Variants in RBFOX3 observed in about 807,000 individuals in gnomAD.
RBFOX3 encodes the protein RNA binding fox-1 homolog 3.
In RBFOX3, 17 loss-of-function variants were observed where a neutral mutation model predicts 48.7. The observed-to-expected ratio is 0.35, with a 90% CI of 0.24 to 0.52. The LOEUF is 0.52. Ranked by LOEUF, RBFOX3 falls within the 20% of genes least tolerant of loss-of-function variation. The pLI is 0.94. For synonymous variants in RBFOX3, 212 were observed against 209.5 expected, an observed-to-expected ratio of 1.01 and a Z score of -0.10; for missense variants, 382 against 497.5, an observed-to-expected ratio of 0.77 and a Z score of 2.21.
chr17:79,301,687 G>A (rs1431829786), intron 3 of RBFOX3, among the ~76,000 whole-genome samples: 2 of 152,188 alleles, frequency 1.3e-5, no homozygotes, highest in African/African-American at 4.8e-5. Context: ...TGGCCAAAAG[G>A]GGACAGCAGC....
At chr17:79,638,304 G>GTT in the RBFOX3 span, among the ~76,000 whole-genome samples, 1 of 88,310 alleles carries the variant, frequency 1.1e-5, no homozygotes, top group East Asian at 3.3e-4. Flanking sequence ...AACTGAGTTG[G>GTT]TTTTTTTTTT....
intron 2 of RBFOX3, among the ~76,000 whole-genome samples, chr17:79,371,749 T>C (rs184431984): frequency 2.3e-3 from 348 of 152,170 alleles, no homozygotes; most frequent in African/African-American, 8.2e-3. Flanking sequence ...ATCCTGCAAG[T>C]GGGAGGGACT....
chr17:79,579,959 G>T lies in RBFOX3; in HGVS notation c.-320+30867C>A, dbSNP rs962145990. Among the ~76,000 whole-genome samples the T allele has an allele frequency of 6.5e-3, 976 of 150,310 alleles. 10 individuals carry two copies. Among genetic ancestry groups the T allele is most frequent in the African/African-American group, 0.023 (930 of 40,690 alleles). On this transcript the variant is annotated intron_variant, in intron 1 of 14. Coordinates refer to ENST00000693108, the MANE Select transcript of RBFOX3 (RefSeq NM_001350451.2). ...TGTGGTGGGGGAGTCACAGGGTTGGGGAGTCACTGGGTCGGGGAGTCACTG... is the reference window on the plus strand; with the variant it reads ...TGTGGTGGGGGAGTCACAGGGTTGGTGAGTCACTGGGTCGGGGAGTCACTG...
At chr17:79,547,900 C>T (rs1229568053) in intron 1 of RBFOX3, among the ~76,000 whole-genome samples, 5 of 152,208 alleles carry the variant, frequency 3.3e-5, no homozygotes, top group Admixed American at 3.3e-4. Context: ...GGACCTCCAG[C>T]CCTTCAGTGG....
At chr17:79,616,644 C>T in the RBFOX3 span, among the ~76,000 whole-genome samples, 1 of 151,854 alleles carries the variant, frequency 6.6e-6, no homozygotes, top group African/African-American at 2.4e-5. Context: ...AGGCCTGCTA[C>T]CGCTGTTGTA....
intron 3 of RBFOX3, among the ~76,000 whole-genome samples, chr17:79,250,135 G>A (rs578235729): frequency 6.6e-6 from 1 of 152,114 alleles, no homozygotes; most frequent in African/African-American, 2.4e-5. Context: ...ATTGCCTTTC[G>A]GGATTAATAC....
At chr17:79,155,794 C>G (rs143031595) in intron 4 of RBFOX3, among the ~76,000 whole-genome samples, 4,358 of 152,242 alleles carry the variant, frequency 0.029, 84 homozygotes, top group Non-Finnish European at 0.045. Flanking sequence ...AGGCAGCCCA[C>G]CCCTGCACCC....
At chr17:79,278,595 CG>C (rs2069496538) in intron 3 of RBFOX3, among the ~76,000 whole-genome samples, 3 of 152,244 alleles carry the variant, frequency 2.0e-5, no homozygotes, top group East Asian at 1.9e-4. Flanking sequence ...CCTGTGGTGC[CG>C]GCCGGGCCTG....
intron 4 of RBFOX3, among the ~76,000 whole-genome samples, chr17:79,190,349 T>A (rs2054213812): frequency 7.0e-6 from 1 of 143,446 alleles, no homozygotes; most frequent in Admixed American, 7.4e-5. Flanking sequence ...AGGCGGAGGA[T>A]GCGGTGAGCC....
intron 2 of RBFOX3, among the ~76,000 whole-genome samples, chr17:79,348,534 G>A (rs1778436896): frequency 6.7e-6 from 1 of 148,802 alleles, no homozygotes; most frequent in African/African-American, 2.5e-5. Flanking sequence ...TGGTCTTGCT[G>A]GTTACCATCA....
intron 2 of RBFOX3, among the ~76,000 whole-genome samples, chr17:79,325,259 C>A (rs1003100907): frequency 1.3e-5 from 2 of 152,166 alleles, no homozygotes; most frequent in Non-Finnish European, 2.9e-5. Flanking sequence ...CCTGGAGATT[C>A]CACAGGTGGG....
rs1365595915 is a variant in RBFOX3 at position 79,535,238 on chromosome 17, C to T, written c.-319-52640G>A. On this transcript the variant is annotated intron_variant, in intron 1 of 14. Coordinates refer to ENST00000693108, the MANE Select transcript of RBFOX3 (RefSeq NM_001350451.2). This position sits in a 1 kb window ranked among gnomAD's most constrained non-coding sequence, Gnocchi z 4.5. ...GAAGCAGCAGCTCCACGGCAACATC[C>T]CAAGGCCCCTCTCCAAGGGCTGTTC... Among the ~76,000 whole-genome samples the T allele has an allele frequency of 6.6e-6, 1 of 152,184 alleles. No individual in the cohort carries two copies. Among genetic ancestry groups the T allele is most frequent in the Non-Finnish European group, 1.5e-5 (1 of 68,030 alleles).
At chr17:79,639,286 T>C in the RBFOX3 span, among the ~76,000 whole-genome samples, 3 of 152,140 alleles carry the variant, frequency 2.0e-5, no homozygotes, top group African/African-American at 4.8e-5. Context: ...GCCATTCTCC[T>C]GCCTCAGCCT....
chr17:79,430,141 C>T (rs189054775), intron 2 of RBFOX3, among the ~76,000 whole-genome samples: 4 of 152,222 alleles, frequency 2.6e-5, no homozygotes, highest in Admixed American at 1.3e-4. Context: ...GCCAGCCAGC[C>T]GTCGCTTTGA....
At chr17:79,329,734 C>T (rs548604276) in intron 2 of RBFOX3, among the ~76,000 whole-genome samples, 9 of 152,294 alleles carry the variant, frequency 5.9e-5, no homozygotes, top group Admixed American at 5.2e-4. Context: ...CCCTGGCCCA[C>T]GCCTGTCCTG....
At chr17:79,182,217 G>A (rs1331210777) in intron 4 of RBFOX3, among the ~76,000 whole-genome samples, 2 of 152,170 alleles carry the variant, frequency 1.3e-5, no homozygotes, top group African/African-American at 2.4e-5. Context: ...CCCAGGATGA[G>A]CCTGAAGTGC....
At chr17:79,178,706 A>C (rs550168683) in intron 4 of RBFOX3, among the ~76,000 whole-genome samples, 69 of 152,360 alleles carry the variant, frequency 4.5e-4, no homozygotes, top group African/African-American at 1.5e-3. Flanking sequence ...CAGGGTAAAG[A>C]GGTCTCACCT....
intron 4 of RBFOX3, among the ~76,000 whole-genome samples, chr17:79,160,073 A>ACGCTC (rs1408785446): frequency 6.6e-6 from 1 of 152,220 alleles, no homozygotes; most frequent in African/African-American, 2.4e-5. Context: ...TTCCCCAGGA[A>ACGCTC]CGCTCCGCTC....
chr17:79,590,707 A>C (rs1356788810), intron 1 of RBFOX3, among the ~76,000 whole-genome samples: 1 of 151,842 alleles, frequency 6.6e-6, no homozygotes, highest in Non-Finnish European at 1.5e-5. Flanking sequence ...AAGAGACCAG[A>C]CCTCTTCCCC....
Sources: allele counts gnomAD v4.1 joint callset (sites outside exome capture counted in the v4.1 genomes callset), GRCh38; gene constraint gnomAD v4.1.1; non-coding constraint Gnocchi (gnomAD v3.1); transcripts MANE v1.5; gene names NCBI Gene and HGNC (gene_info 2026-07-23, HGNC 2026-07-21).